Variants in SIPA1L1 observed in about 807,000 individuals in gnomAD.
SIPA1L1 encodes the protein signal-induced proliferation-associated 1-like protein 1.
In SIPA1L1, 26 loss-of-function variants were observed where a neutral mutation model predicts 162.7. The observed-to-expected ratio is 0.16, with a 90% CI of 0.12 to 0.22. The LOEUF is 0.22. Among genes scored for constraint, SIPA1L1 ranks in the 10% least tolerant of loss-of-function variants. SIPA1L1 has a pLI of 1.00. For synonymous variants in SIPA1L1, 829 were observed against 837.4 expected (o/e 0.99, Z 0.17); for missense variants, 1,874 against 2,241.0 (o/e 0.84, Z 3.31).
At chr14:71,382,818 T>G (rs115761073) in intron 2 of SIPA1L1, among the ~76,000 whole-genome samples, 1,656 of 152,298 alleles carry the variant, frequency 0.011, 28 homozygotes, top group African/African-American at 0.037. Flanking sequence ...CCAAGATCAG[T>G]AAGATATAGT....
At chr14:71,430,721 G>A (rs2140945658) in intron 2 of SIPA1L1, among the ~76,000 whole-genome samples, 1 of 152,236 alleles carries the variant, frequency 6.6e-6, no homozygotes, top group Middle Eastern at 3.4e-3. Flanking sequence ...ATCACTTTGC[G>A]ACTCTGCTTC....
intron 1 of SIPA1L1, 166 bp downstream of exon 1, chr14:71,320,669 C>T (rs1180644500): frequency 6.8e-6 from 1 of 147,588 alleles, no homozygotes; most frequent in African/African-American, 2.5e-5. Context: ...CCGCACTTAC[C>T]TGTCCCCTCC....
chr14:71,388,291 T>C (rs1471728902), intron 2 of SIPA1L1, among the ~76,000 whole-genome samples: 2 of 152,200 alleles, frequency 1.3e-5, no homozygotes, highest in African/African-American at 4.8e-5. Flanking sequence ...CAAAGCAGAA[T>C]CTACCATCTA....
At chr14:71,404,799 T>A (rs777031657) in intron 2 of SIPA1L1, among the ~76,000 whole-genome samples, 1 of 152,198 alleles carries the variant, frequency 6.6e-6, no homozygotes, top group Non-Finnish European at 1.5e-5. Flanking sequence ...ACAAAGAACT[T>A]AGTAGAATTC....
intron 12 of SIPA1L1, among the ~76,000 whole-genome samples, chr14:71,678,791 TATTA>T (rs2045487462): frequency 6.6e-6 from 1 of 152,076 alleles, no homozygotes; most frequent in East Asian, 1.9e-4. Flanking sequence ...GGTGGTAGGC[TATTA>T]ATTATTGCCT....
intron 13 of SIPA1L1, among the ~76,000 whole-genome samples, chr14:71,696,184 A>G (rs4140798): frequency 0.39 from 59,250 of 152,070 alleles, 13,745 homozygotes; most frequent in East Asian, 0.69. Flanking sequence ...CCAGTGGGTG[A>G]TTGGCCCATA....
chr14:71,523,121 T>G (rs955044283), intron 3 of SIPA1L1, among the ~76,000 whole-genome samples: 6 of 152,226 alleles, frequency 3.9e-5, no homozygotes, highest in Non-Finnish European at 5.9e-5. Context: ...AGTTCAGTTA[T>G]CACATTTTAA....
intron 2 of SIPA1L1, among the ~76,000 whole-genome samples, chr14:71,336,807 C>T (rs1331755968): frequency 6.6e-6 from 1 of 152,336 alleles, no homozygotes; most frequent in East Asian, 1.9e-4. Context: ...TCTTGCAGCT[C>T]TTAGAAGTCG....
At chr14:71,712,454 T>C (rs1413204336) in intron 17 of SIPA1L1, among the ~76,000 whole-genome samples, 1 of 152,168 alleles carries the variant, frequency 6.6e-6, no homozygotes, top group Non-Finnish European at 1.5e-5. Flanking sequence ...GCTTGGAAAT[T>C]TAGGGAGAAA....
intron 7 of SIPA1L1, among the ~76,000 whole-genome samples, chr14:71,635,442 A>G (rs1213266250): frequency 2.0e-5 from 3 of 152,264 alleles, no homozygotes; most frequent in African/African-American, 4.8e-5. Context: ...CATATGTACA[A>G]GAATTTTTTA....
chr14:71,345,348 G>A (rs2036050559), intron 2 of SIPA1L1, among the ~76,000 whole-genome samples: 1 of 152,130 alleles, frequency 6.6e-6, no homozygotes, highest in Non-Finnish European at 1.5e-5. Context: ...TATATGCAGT[G>A]CACTGTGCCA....
intron 13 of SIPA1L1, among the ~76,000 whole-genome samples, chr14:71,692,923 G>A (rs1468289359): frequency 6.6e-6 from 1 of 152,106 alleles, no homozygotes. Flanking sequence ...TCCTGCCTAC[G>A]CTACTGGGAG....
chr14:71,392,608 A>G (rs1458682228), intron 2 of SIPA1L1, among the ~76,000 whole-genome samples: 1 of 152,106 alleles, frequency 6.6e-6, no homozygotes, highest in Admixed American at 6.5e-5. Context: ...GCTCACTGCA[A>G]GCCCCGCCTT....
In SIPA1L1 at chr14:71,709,185, A is replaced by G. The variant is rs548881446; in HGVS notation, c.3766-37A>G. ...CTGTTATTCTCTTGTTCAGGAAGCA[A>G]AACTTTGCACTCAAATAAATTCTGC... On this transcript the variant is annotated intron_variant, in intron 16 of 23. Coordinates refer to ENST00000381232, the MANE Select transcript of SIPA1L1 (RefSeq NM_001386936.1). 4.5e-6 allele frequency: 7 copies of G among 1,546,892 alleles called. No homozygotes were observed. In the East Asian group the frequency reaches 1.6e-4, roughly 35 times the overall value.
Position 71,377,081 on chromosome 14 carries a change from G to A in SIPA1L1, c.-465+55900G>A, listed in dbSNP as rs2039444009. On this transcript the variant is annotated intron_variant, in intron 2 of 23. Coordinates refer to ENST00000381232, the MANE Select transcript of SIPA1L1 (RefSeq NM_001386936.1). The surrounding 1 kb of genome is among the most constrained non-coding windows in gnomAD (Gnocchi z 4.8). ...CCAGACGGGGTGGCAGCTGGGCAGA[G>A]GGGCTCCTCACTTTCCAGATGTGGC... Among the ~76,000 whole-genome samples the A allele has an allele frequency of 6.6e-6, 1 of 151,840 alleles. No homozygotes were observed. The highest frequency in any genetic ancestry group is 1.5e-5 in the Non-Finnish European group (1 of 68,016).
At chr14:71,585,887 A>G (rs1323723950) in intron 4 of SIPA1L1, among the ~76,000 whole-genome samples, 1 of 152,152 alleles carries the variant, frequency 6.6e-6, no homozygotes, top group Non-Finnish European at 1.5e-5. Context: ...TATGAGAATC[A>G]CTTCTTGAAC....
intron 2 of SIPA1L1, among the ~76,000 whole-genome samples, chr14:71,419,480 C>CT (rs779874892): frequency 0.019 from 1,594 of 85,236 alleles, 267 homozygotes; most frequent in African/African-American, 0.024. Context: ...GAGGATCTCT[C>CT]TTTTTTTTTT....
At chr14:71,324,954 C>T (rs1051594568) in intron 2 of SIPA1L1, among the ~76,000 whole-genome samples, 4 of 152,050 alleles carry the variant, frequency 2.6e-5, no homozygotes, top group South Asian at 2.1e-4. Context: ...ATTTATGTTG[C>T]GCCACCCTAC....
chr14:71,336,497 T>C (rs2035106015), intron 2 of SIPA1L1, among the ~76,000 whole-genome samples: 1 of 152,240 alleles, frequency 6.6e-6, no homozygotes, highest in Non-Finnish European at 1.5e-5. Context: ...TTCTTTCACC[T>C]AGCTCTGTCA....
Sources: allele counts gnomAD v4.1 joint callset (sites outside exome capture counted in the v4.1 genomes callset), GRCh38; gene constraint gnomAD v4.1.1; non-coding constraint Gnocchi (gnomAD v3.1); transcripts MANE v1.5; gene names NCBI Gene and HGNC (gene_info 2026-07-23, HGNC 2026-07-21).